The following CCZ1B variants were observed in gnomAD, a reference collection of about 807,000 sequenced individuals.
CCZ1B encodes vacuolar fusion protein CCZ1 homolog B.
In CCZ1B, 25 loss-of-function variants were observed where a neutral mutation model predicts 58.8. The ratio of observed to expected loss-of-function variants is 0.43; its 90% CI spans 0.31 to 0.59. CCZ1B has a LOEUF of 0.59. Among genes scored for constraint, CCZ1B ranks in the 20% least tolerant of loss-of-function variants. The pLI, the probability that CCZ1B is intolerant of heterozygous loss-of-function variation, is 0.12. For synonymous variants in CCZ1B, 66 were observed against 173.2 expected, an observed-to-expected ratio of 0.38 and a Z score of 4.86; for missense variants, 180 against 501.5, an observed-to-expected ratio of 0.36 and a Z score of 6.12.
At position 6,819,761 on chromosome 7, in the gene CCZ1B, C is replaced by T. The variant is rs1783078273; in HGVS notation, c.698+5G>A. The T allele has an allele frequency of 1.4e-5, 20 of 1,472,348 alleles. No homozygotes were observed. Among genetic ancestry groups the T allele is most frequent in the East Asian group, 2.3e-5 (1 of 44,302 alleles). 91.2% of individuals were successfully genotyped at this position (1,472,348 alleles called of 1,614,324 possible). A position where few individuals can be genotyped will look rare whatever the true frequency, so the allele number is the denominator to read the frequency against. On this transcript the variant is annotated splice_donor_5th_base_variant and intron_variant, in intron 7 of 14. Transcript: ENST00000316731. ...TTTTAATACCATGCCTCGGGGTGTACCTACCAGATGAGCTGATCGTTATAG... is the reference window on the plus strand; with the variant it reads ...TTTTAATACCATGCCTCGGGGTGTATCTACCAGATGAGCTGATCGTTATAG...
chr7:6,816,416 G>C lies in CCZ1B; in HGVS notation c.699-1571C>G, dbSNP rs1242634331. On this transcript the variant is annotated intron_variant, in intron 7 of 14. Transcript: ENST00000316731. Reference sequence around the variant, plus strand: ...GAATCGCTTGAACCTGGGAGGCGCAGGCTGAAGTGAGCTGAGATCACACCA... The same window carrying C: ...GAATCGCTTGAACCTGGGAGGCGCACGCTGAAGTGAGCTGAGATCACACCA... 8.8e-5 allele frequency among the ~76,000 whole-genome samples: 13 copies of C among 147,372 alleles called. 1 individual carries two copies. In the South Asian group the frequency reaches 1.5e-3, roughly 17 times the overall value.
intron 8 of CCZ1B, among the ~76,000 whole-genome samples, chr7:6,814,162 A>G (rs1432026768): frequency 1.3e-5 from 2 of 148,850 alleles, no homozygotes; most frequent in African/African-American, 5.1e-5. Flanking sequence ...ATAAATAAAT[A>G]AATAAATAAA....
chr7:6,813,422 C>T (rs1257944523), intron 8 of CCZ1B, among the ~76,000 whole-genome samples: 1 of 149,172 alleles, frequency 6.7e-6, no homozygotes, highest in African/African-American at 2.5e-5. Context: ...CCCATCTCTA[C>T]AAAAAATTAA....
At chr7:6,810,433 T>C (rs1429435030) in intron 10 of CCZ1B, among the ~76,000 whole-genome samples, 1 of 148,486 alleles carries the variant, frequency 6.7e-6, no homozygotes, top group Admixed American at 6.7e-5. Flanking sequence ...TAATGTCTGG[T>C]GCTGGATATG....
intron 10 of CCZ1B, among the ~76,000 whole-genome samples, chr7:6,809,488 T>C (rs1323887945): frequency 6.8e-6 from 1 of 146,594 alleles, no homozygotes; most frequent in Admixed American, 6.7e-5. Flanking sequence ...ACCAGGGTTA[T>C]GGAGATTTCA....
At position 6,825,421 on chromosome 7, in the gene CCZ1B, T is replaced by C. The variant is rs948431280; in HGVS notation, c.120+657A>G. On this transcript the variant is annotated intron_variant, in intron 1 of 14. Coordinates refer to ENST00000316731, the MANE Select transcript of CCZ1B (RefSeq NM_198097.5). ...GCCCGGCTCACTTTTCAATTTTTTTTTTTTTTTTGTAGAGTTGGGGGTCTT... is the reference window on the plus strand; with the variant it reads ...GCCCGGCTCACTTTTCAATTTTTTTCTTTTTTTTGTAGAGTTGGGGGTCTT... Among the ~76,000 whole-genome samples the C allele has an allele frequency of 8.3e-5, 12 of 145,088 alleles. 2 individuals carry two copies. The highest frequency in any genetic ancestry group is 1.4e-4 in the Admixed American group (2 of 14,524).
Position 6,822,049 on chromosome 7 carries a change from C to T in CCZ1B, c.522+232G>A, listed in dbSNP as rs1218819695. Among the ~76,000 whole-genome samples the T allele has an allele frequency of 1.9e-4, 29 of 149,276 alleles. 2 individuals carry two copies. Among genetic ancestry groups the T allele is most frequent in the Admixed American group, 1.9e-3 (29 of 14,992 alleles). ...CGATGTCTCCAGGACCCTTTAAGAG[C>T]CCCGGGCAAACGCAGGAAGCTCTGC... On this transcript the variant is annotated intron_variant, in intron 6 of 14. Coordinates refer to ENST00000316731, the MANE Select transcript of CCZ1B (RefSeq NM_198097.5).
chr7:6,819,237 ATTCT>A (rs1349502130), intron 7 of CCZ1B, among the ~76,000 whole-genome samples: 3 of 137,882 alleles, frequency 2.2e-5, no homozygotes, highest in Non-Finnish European at 3.1e-5. Flanking sequence ...TGATAGGAAC[ATTCT>A]TTTTTTTTTT....
intron 6 of CCZ1B, among the ~76,000 whole-genome samples, chr7:6,821,186 T>A (rs1301670696): frequency 2.7e-5 from 4 of 149,716 alleles, no homozygotes; most frequent in African/African-American, 7.5e-5. Context: ...TTTTTTGGTA[T>A]TTTTTAGTAG....
chr7:6,822,396 T>G (rs370273650), intron 5 of CCZ1B, 32 bp from the exon 6 acceptor site: 5 of 1,580,834 alleles, frequency 3.2e-6, no homozygotes, highest in Non-Finnish European at 4.3e-6. Flanking sequence ...GAAAAAAAAA[T>G]CAGTTTCCTA....
chr7:6,813,055 G>A lies in CCZ1B; in HGVS notation c.781-18C>T, dbSNP rs779419777. 2.0e-6 allele frequency: 3 copies of A among 1,524,974 alleles called. No individual in the cohort carries two copies. The highest frequency in any genetic ancestry group is 2.1e-5 in the Admixed American group (1 of 48,506). 94.5% of individuals were successfully genotyped at this position (1,524,974 alleles called of 1,614,324 possible). ...CCTGCTAACTGCAAATACATTTAAT[G>A]TTGAGAATGACTTATCAGACTTTTT... On this transcript the variant is annotated intron_variant, in intron 8 of 14. Transcript: ENST00000316731.
chr7:6,820,082 G>A lies in CCZ1B; in HGVS notation c.523-141C>T. The A allele has an allele frequency of 2.5e-6, 3 of 1,222,662 alleles. 1 individual carries two copies. The South Asian group carries it at 4.3e-5, about 17-fold the overall frequency. The allele number at this position is 1,222,662 out of a possible 1,614,324, so 75.7% of individuals were successfully genotyped here. Reference sequence around the variant, plus strand: ...CAAACAGCACAACAATGAGGCCGTGGTGAAGACATGGGTGACTGAGTGTCA... The same window carrying A: ...CAAACAGCACAACAATGAGGCCGTGATGAAGACATGGGTGACTGAGTGTCA... On this transcript the variant is annotated intron_variant, in intron 6 of 14. Coordinates refer to ENST00000316731, the MANE Select transcript of CCZ1B (RefSeq NM_198097.5).
In CCZ1B at chr7:6,814,863, C is replaced by T; in HGVS notation, c.699-18G>A. 1.3e-6 allele frequency: 2 copies of T among 1,565,524 alleles called. No individual in the cohort carries two copies. The highest frequency in any genetic ancestry group is 1.7e-6 in the Non-Finnish European group (2 of 1,146,792). On this transcript the variant is annotated intron_variant, in intron 7 of 14. Transcript: ENST00000316731. ...ATCCACTCCTGCAACAACAGAAAAG[C>T]ACTGGGTTAAACGTTTCGAACTGTC...
At chr7:6,821,693 G>C (rs879554747) in intron 6 of CCZ1B, among the ~76,000 whole-genome samples, 1 of 151,270 alleles carries the variant, frequency 6.6e-6, no homozygotes, top group African/African-American at 2.5e-5. Context: ...GGGCAAAACA[G>C]CCAAGACAAG....
chr7:6,810,323 CTTTT>C (rs908532364), intron 10 of CCZ1B, among the ~76,000 whole-genome samples: 1 of 148,268 alleles, frequency 6.7e-6, no homozygotes, highest in Non-Finnish European at 1.5e-5. Flanking sequence ...TAATGTCTTT[CTTTT>C]GTCTTATCTG....
At chr7:6,803,607 G>A (rs1698844081) in intron 12 of CCZ1B, among the ~76,000 whole-genome samples, 1 of 137,038 alleles carries the variant, frequency 7.3e-6, no homozygotes, top group East Asian at 2.4e-4. Context: ...AAAACCTAGA[G>A]GTGCTTTCAC....
In CCZ1B at chr7:6,822,147, C is replaced by T. The variant is rs189334736; in HGVS notation, c.522+134G>A. 1.2e-5 allele frequency: 16 copies of T among 1,340,264 alleles called. No homozygotes were observed. The East Asian group carries it at 1.5e-4, about 12-fold the overall frequency. 83.0% of individuals were successfully genotyped at this position (1,340,264 alleles called of 1,614,324 possible). The stretch of plus-strand genomic sequence containing the variant: ...TTTCCTCGCTGCTCCAGTTTTGCGA[C>T]GGTCTGTCTCAGGCTCTTTGCCACT... On this transcript the variant is annotated intron_variant, in intron 6 of 14. Coordinates refer to ENST00000316731, the MANE Select transcript of CCZ1B (RefSeq NM_198097.5).
rs1315832597 is a variant in CCZ1B, at chr7:6,822,804, C to T, written c.439-440G>A. ...GCAGCCTCGACCTCCAAGGTGCGAGCGATCCTCCCACCTCAGCCTCCCAGG... is the reference window on the plus strand; with the variant it reads ...GCAGCCTCGACCTCCAAGGTGCGAGTGATCCTCCCACCTCAGCCTCCCAGG... On this transcript the variant is annotated intron_variant, in intron 5 of 14. Transcript: ENST00000316731. Among the ~76,000 whole-genome samples the T allele has an allele frequency of 7.7e-5, 11 of 142,078 alleles. No individual in the cohort carries two copies. The Admixed American group carries it at 8.0e-4, about 10-fold the overall frequency. The allele number at this position is 142,078 out of a possible 152,430, so 93.2% of individuals were successfully genotyped here. A position where few individuals can be genotyped will look rare whatever the true frequency, so the allele number is the denominator to read the frequency against.
At chr7:6,823,515 C>CTTTTT (rs897480782) in intron 4 of CCZ1B, among the ~76,000 whole-genome samples, 155 bp from the exon 5 acceptor site, 4,432 of 104,534 alleles carry the variant, frequency 0.042, 111 homozygotes, top group South Asian at 0.12. Context: ...TGTTTGCGTT[C>CTTTTT]TTTTTTTTTT....
Sources: allele counts gnomAD v4.1 joint callset (sites outside exome capture counted in the v4.1 genomes callset), GRCh38; gene constraint gnomAD v4.1.1; transcripts MANE v1.5; gene names NCBI Gene and HGNC (gene_info 2026-07-23, HGNC 2026-07-21).